Variants in LYPD1 observed in about 807,000 individuals in gnomAD.
LYPD1 encodes LY6/PLAUR domain containing 1.
In LYPD1, 14 loss-of-function variants were observed where a neutral mutation model predicts 14.2. That is an observed-to-expected ratio of 0.99 (90% confidence interval 0.65 to 1.54). The LOEUF (loss-of-function observed/expected upper bound fraction) is 1.54. Among genes scored for constraint, LYPD1 ranks in the 40% most tolerant of loss-of-function variants. The pLI is 0.00. For synonymous variants in LYPD1, 85 were observed against 70.6 expected, an observed-to-expected ratio of 1.20 and a Z score of -1.02; for missense variants, 165 against 175.7, an observed-to-expected ratio of 0.94 and a Z score of 0.34.
chr2:132,652,666 C>G (rs562853931), intron 2 of LYPD1, among the ~76,000 whole-genome samples: 4 of 152,216 alleles, frequency 2.6e-5, no homozygotes, highest in Non-Finnish European at 5.9e-5. Context: ...TCTCACGGCT[C>G]TAATCCGCAG....
In LYPD1 at chr2:132,669,921, T is replaced by G. The variant is rs1683556265; in HGVS notation, c.12A>C (p.Leu4=). 6.2e-7 allele frequency: 1 copy of G among 1,612,530 alleles called. No individual in the cohort carries two copies. The highest frequency in any genetic ancestry group is 1.7e-5 in the Admixed American group (1 of 59,964). The change falls in exon 1 of 3, where the codon CTA becomes CTC. Residue 4 remains leucine, a synonymous_variant. Transcript: ENST00000397463. The surrounding 1 kb of genome is among the most constrained non-coding windows in gnomAD (Gnocchi z 4.3). ...ATCCGCAAAAAGTTGCCGCGATGCC[T>G]AGGACCCACATTCTCCCGGAGTCCC... MWV[L]GIAATFCGLF... is the part of the protein sequence containing the mutation.
intron 2 of LYPD1, among the ~76,000 whole-genome samples, chr2:132,650,427 T>G (rs1331968753): frequency 6.6e-6 from 1 of 152,198 alleles, no homozygotes; most frequent in Non-Finnish European, 1.5e-5. Context: ...TGCAAATGCA[T>G]GTACTCTGTG....
At chr2:132,666,295 T>G (rs1683267441) in intron 2 of LYPD1, among the ~76,000 whole-genome samples, 1 of 152,234 alleles carries the variant, frequency 6.6e-6, no homozygotes, top group South Asian at 2.1e-4. Context: ...TTTGGAGGTA[T>G]AAGGCCCCCC....
chr2:132,646,574 C>A (rs1317031966), intron 2 of LYPD1: 1 of 293,576 alleles, frequency 3.4e-6, no homozygotes, highest in Non-Finnish European at 6.2e-6. Flanking sequence ...CATTTTAAGT[C>A]AGAGTTCACA....
intron 2 of LYPD1, among the ~76,000 whole-genome samples, chr2:132,648,242 T>C (rs1471413148): frequency 6.6e-6 from 1 of 151,994 alleles, no homozygotes; most frequent in African/African-American, 2.4e-5. Flanking sequence ...AGTGACCTTT[T>C]TTCTTTAAGT....
rs899242034 is a variant in LYPD1, at chr2:132,669,717, T to C, written c.52+164A>G. ...CTCCTGCAGCGCGGGACTTGGACAC[T>C]TTCCCAGCCTCGCGCCCCGGGGCAC... On this transcript the variant is annotated intron_variant, in intron 1 of 2. Coordinates refer to ENST00000397463, the MANE Select transcript of LYPD1 (RefSeq NM_144586.7). This position sits in a 1 kb window ranked among gnomAD's most constrained non-coding sequence, Gnocchi z 4.3. The C allele has an allele frequency of 4.3e-6, 6 of 1,398,160 alleles. No individual in the cohort carries two copies. The highest frequency in any genetic ancestry group is 2.5e-4 in the Middle Eastern group (1 of 3,954). 86.6% of individuals were successfully genotyped at this position (1,398,160 alleles called of 1,614,324 possible).
chr2:132,644,025 CTGTGGG>C lies in LYPD1; in HGVS notation c.*2014_*2019del, dbSNP rs1681929516. ...TAGCAGCTCTCTACAGGGGAATTTA[CTGTGGG>C]TGTCTTGGCTCCTTACGAAAAGAGA... is the stretch of plus-strand genomic sequence containing the variant. On this transcript the variant is annotated 3_prime_UTR_variant, in exon 3 of 3. Coordinates refer to ENST00000397463, the MANE Select transcript of LYPD1 (RefSeq NM_144586.7). 6.6e-6 allele frequency among the ~76,000 whole-genome samples: 1 copy of C among 152,194 alleles called. No homozygotes were observed. Among genetic ancestry groups the C allele is most frequent in the Non-Finnish European group, 1.5e-5 (1 of 68,032 alleles).
chr2:132,669,810 G>A lies in LYPD1; in HGVS notation c.52+71C>T, dbSNP rs1485171117. On this transcript the variant is annotated intron_variant, in intron 1 of 2. Transcript: ENST00000397463. The surrounding 1 kb of genome is among the most constrained non-coding windows in gnomAD (Gnocchi z 4.3). The stretch of plus-strand genomic sequence containing the variant: ...GCTGGCCCCGAGGTGGGCGCCTTGG[G>A]GGCAAAAGGGCTGGCGGGTAGATGG... The A allele has an allele frequency of 5.7e-6, 9 of 1,588,138 alleles. No individual in the cohort carries two copies. Among genetic ancestry groups the A allele is most frequent in the Non-Finnish European group, 6.8e-6 (8 of 1,168,748 alleles).
chr2:132,647,325 C>T (rs562170349), intron 2 of LYPD1, among the ~76,000 whole-genome samples: 7 of 152,322 alleles, frequency 4.6e-5, no homozygotes, highest in African/African-American at 1.4e-4. Context: ...GCTGTCAAGA[C>T]GGTGTTTACT....
At chr2:132,647,956 AT>A (rs58397226) in intron 2 of LYPD1, among the ~76,000 whole-genome samples, 18 of 152,052 alleles carry the variant, frequency 1.2e-4, no homozygotes, top group Admixed American at 1.2e-3. Context: ...ATTTTATGTC[AT>A]TTTTTCCCCT....
At position 132,669,477 on chromosome 2, in the gene LYPD1, T is replaced by A. The variant is rs1379540755; in HGVS notation, c.52+404A>T. Among the ~76,000 whole-genome samples, 1 of 152,090 alleles carries A rather than the reference T, an allele frequency of 6.6e-6. No individual in the cohort carries two copies. The highest frequency in any genetic ancestry group is 1.5e-5 in the Non-Finnish European group (1 of 67,998). On this transcript the variant is annotated intron_variant, in intron 1 of 2. Transcript: ENST00000397463. This position sits in a 1 kb window ranked among gnomAD's most constrained non-coding sequence, Gnocchi z 4.3. ...ACCCAGCTTCAGCGTGGCCGCAGGC[T>A]GCCTCGCGCATCGCTCACCTGTCGG...
intron 2 of LYPD1, among the ~76,000 whole-genome samples, chr2:132,648,186 T>TAAGTA (rs1341997719): frequency 2.0e-5 from 3 of 152,250 alleles, no homozygotes; most frequent in African/African-American, 7.2e-5. Flanking sequence ...TTTTTATTCC[T>TAAGTA]AAGTATGAAA....
rs1418267597 is a variant in LYPD1, at chr2:132,645,716, G to A, written c.*329C>T. The stretch of plus-strand genomic sequence containing the variant: ...CCCCATCAGGGATGGAATGGACACT[G>A]GAGGCTTTACAAAAGGCAGATGCCC... On this transcript the variant is annotated 3_prime_UTR_variant, in exon 3 of 3. Transcript: ENST00000397463. 1.4e-6 allele frequency: 2 copies of A among 1,431,010 alleles called. No homozygotes were observed. The highest frequency in any genetic ancestry group is 1.9e-6 in the Non-Finnish European group (2 of 1,069,116). 88.6% of individuals were successfully genotyped at this position (1,431,010 alleles called of 1,614,324 possible).
chr2:132,657,183 T>G (rs952325870), intron 2 of LYPD1, among the ~76,000 whole-genome samples: 1 of 152,194 alleles, frequency 6.6e-6, no homozygotes, highest in Non-Finnish European at 1.5e-5. Flanking sequence ...CAACCCATAA[T>G]GTATGATGCC....
chr2:132,650,722 A>AAC (rs199583422), intron 2 of LYPD1, among the ~76,000 whole-genome samples: 140 of 104,600 alleles, frequency 1.3e-3, no homozygotes, highest in South Asian at 9.5e-3. Flanking sequence ...CTTTAAAAAA[A>AAC]AAAAACAAAA....
At position 132,651,511 on chromosome 2, in the gene LYPD1, A is replaced by G. The variant is rs1280097012; in HGVS notation, c.191-5231T>C. On this transcript the variant is annotated intron_variant, in intron 2 of 2. Coordinates refer to ENST00000397463, the MANE Select transcript of LYPD1 (RefSeq NM_144586.7). ...ACTGCTGGTGGGAGCAGAGACTGGC[A>G]TAAGGGCAGTCAGAAGGATCTATAA... Among the ~76,000 whole-genome samples, 3 of 152,218 alleles carry G rather than the reference A, an allele frequency of 2.0e-5. No homozygotes were observed. In the East Asian group the frequency reaches 5.8e-4, roughly 29 times the overall value.
At chr2:132,661,134 G>A (rs565603937) in intron 2 of LYPD1, among the ~76,000 whole-genome samples, 13 of 152,338 alleles carry the variant, frequency 8.5e-5, no homozygotes, top group Non-Finnish European at 1.6e-4. Flanking sequence ...GGTGGCCTAA[G>A]AGTGAGGCCA....
intron 2 of LYPD1, among the ~76,000 whole-genome samples, chr2:132,649,075 G>GTGAC (rs1226638511): frequency 1.3e-5 from 2 of 152,220 alleles, no homozygotes; most frequent in Non-Finnish European, 2.9e-5. Flanking sequence ...ATCAAGGTAA[G>GTGAC]TGACAGGCAA....
In LYPD1 at chr2:132,643,770, T is replaced by G. The variant is rs1681919524; in HGVS notation, c.*2275A>C. On this transcript the variant is annotated 3_prime_UTR_variant, in exon 3 of 3. Coordinates refer to ENST00000397463, the MANE Select transcript of LYPD1 (RefSeq NM_144586.7). ...TCTAGGCTTAAGTGATCCTTCTGCC[T>G]TGGCCTCCCAGAGTATTGAGATATC... is the stretch of plus-strand genomic sequence containing the variant. 6.6e-6 allele frequency among the ~76,000 whole-genome samples: 1 copy of G among 152,226 alleles called. No homozygotes were observed. Among genetic ancestry groups the G allele is most frequent in the African/African-American group, 2.4e-5 (1 of 41,458 alleles).
Sources: allele counts gnomAD v4.1 joint callset (sites outside exome capture counted in the v4.1 genomes callset), GRCh38; gene constraint gnomAD v4.1.1; non-coding constraint Gnocchi (gnomAD v3.1); transcripts MANE v1.5; gene names NCBI Gene and HGNC (gene_info 2026-07-23, HGNC 2026-07-21).